Variants in SYNJ2 observed in about 807,000 individuals in gnomAD.
The protein encoded by SYNJ2 is polyphosphatidylinositol phosphatase SYNJ2.
In SYNJ2, 116 loss-of-function variants were observed where a neutral mutation model predicts 141.3. The ratio of observed to expected loss-of-function variants is 0.82; its 90% confidence interval spans 0.71 to 0.96. SYNJ2 has a LOEUF of 0.96. SYNJ2 is among the 40% of genes least tolerant of loss of function. The probability of loss-of-function intolerance (pLI) is 0.00; values close to 1 mark genes in which losing one functional copy is unlikely to be tolerated. For synonymous variants in SYNJ2, 745 were observed against 777.7 expected (o/e 0.96, Z 0.70); for missense variants, 1,873 against 1,934.8 (o/e 0.97, Z 0.60).
intron 1 of SYNJ2, among the ~76,000 whole-genome samples, chr6:158,016,174 C>T (rs774194530): frequency 9.2e-5 from 14 of 152,276 alleles, no homozygotes; most frequent in Non-Finnish European, 1.2e-4. Flanking sequence ...AGTGCAGTGG[C>T]GTAATTTCGG....
intron 2 of SYNJ2, among the ~76,000 whole-genome samples, chr6:158,026,323 C>A (rs9456986): frequency 1.3e-5 from 2 of 152,194 alleles, no homozygotes; most frequent in African/African-American, 4.8e-5. Context: ...ATTTGGATCC[C>A]AGCTCCCCGC....
chr6:157,993,007 G>A (rs1291085586), intron 1 of SYNJ2, among the ~76,000 whole-genome samples: 1 of 151,958 alleles, frequency 6.6e-6, no homozygotes, highest in Admixed American at 6.6e-5. Flanking sequence ...TTAGTTTTTT[G>A]AGGAACCTCC....
chr6:158,017,387 C>T (rs1186395871), intron 2 of SYNJ2, 97 bp downstream of exon 2: 20 of 1,282,738 alleles, frequency 1.6e-5, no homozygotes, highest in East Asian at 2.7e-5. Flanking sequence ...TCTGTTTGAC[C>T]GCTCTTCTCT....
chr6:158,078,439 A>G (rs1470592302), intron 18 of SYNJ2, 158 bp downstream of exon 18: 2 of 544,612 alleles, frequency 3.7e-6, no homozygotes, highest in Non-Finnish European at 6.6e-6. Context: ...ATGATGGAAC[A>G]AATATCTGTG....
chr6:158,033,401 C>A, intron 3 of SYNJ2, 54 bp from the exon 4 acceptor site: 1 of 1,579,838 alleles, frequency 6.3e-7, no homozygotes. Flanking sequence ...GTCCAGGCAG[C>A]ATGTATTGGA....
At chr6:158,094,264 A>T (rs1026221282) in intron 26 of SYNJ2, among the ~76,000 whole-genome samples, 4 of 152,044 alleles carry the variant, frequency 2.6e-5, no homozygotes, top group Non-Finnish European at 5.9e-5. Flanking sequence ...ATGGGGTTAC[A>T]TCCCAATAAA....
At chr6:158,051,664 T>G (rs984105138) in intron 5 of SYNJ2, among the ~76,000 whole-genome samples, 51 of 151,764 alleles carry the variant, frequency 3.4e-4, no homozygotes, top group African/African-American at 1.2e-3. Context: ...AAAAAAAACC[T>G]GGCTGGGCAC....
Position 158,036,722 on chromosome 6 carries a change from C to T in SYNJ2, c.711+3042C>T, listed in dbSNP as rs112942611. Among the ~76,000 whole-genome samples, 469 of 152,324 alleles carry T rather than the reference C, an allele frequency of 3.1e-3. 2 individuals carry two copies. Among genetic ancestry groups the T allele is most frequent in the African/African-American group, 9.9e-3 (412 of 41,562 alleles). On this transcript the variant is annotated intron_variant, in intron 4 of 26. Coordinates refer to ENST00000355585, the MANE Select transcript of SYNJ2 (RefSeq NM_003898.4). ...CAAAATAACCTGTACAACAAACCCA[C>T]ATAACATGCGTTTACCTATGTAACA...
At chr6:157,992,484 C>T (rs926946351) in intron 1 of SYNJ2, among the ~76,000 whole-genome samples, 4 of 146,516 alleles carry the variant, frequency 2.7e-5, no homozygotes, top group Non-Finnish European at 6.0e-5. Flanking sequence ...GGTGCGATCT[C>T]GGCTCACTGC....
intron 5 of SYNJ2, among the ~76,000 whole-genome samples, chr6:158,054,098 C>T (rs1482066698): frequency 6.6e-6 from 1 of 151,736 alleles, no homozygotes; most frequent in African/African-American, 2.4e-5. Context: ...CCCATCCATT[C>T]ACCCATTCAT....
chr6:158,042,656 G>C (rs1780011883), intron 4 of SYNJ2, among the ~76,000 whole-genome samples: 2 of 152,248 alleles, frequency 1.3e-5, no homozygotes, highest in African/African-American at 4.8e-5. Flanking sequence ...GGGTGGGGAG[G>C]AGATAGATGT....
Position 158,071,157 on chromosome 6 carries a change from A to G in SYNJ2, c.1941-445A>G, listed in dbSNP as rs961817049. Among the ~76,000 whole-genome samples, 2 of 152,188 alleles carry G rather than the reference A, an allele frequency of 1.3e-5. No homozygotes were observed. The highest frequency in any genetic ancestry group is 2.9e-5 in the Non-Finnish European group (2 of 68,040). The stretch of plus-strand genomic sequence containing the variant: ...GAGATCACGCTGCTGCACTCCAGCC[A>G]GGGTGACAGAGCGAGACTCTGTCTC... On this transcript the variant is annotated intron_variant, in intron 14 of 26. Coordinates refer to ENST00000355585, the MANE Select transcript of SYNJ2 (RefSeq NM_003898.4). The surrounding 1 kb of genome is among the most constrained non-coding windows in gnomAD (Gnocchi z 4.3).
At position 158,081,520 on chromosome 6, in the gene SYNJ2, A is replaced by G; in HGVS notation, c.2865+10A>G. On this transcript the variant is annotated intron_variant, in intron 20 of 26. Coordinates refer to ENST00000355585, the MANE Select transcript of SYNJ2 (RefSeq NM_003898.4). ...CGTGGACGGTATGAAGGTACGCTGTACTTGGCCACACTGTGGAGTGGGGTC... is the reference window on the plus strand; with the variant it reads ...CGTGGACGGTATGAAGGTACGCTGTGCTTGGCCACACTGTGGAGTGGGGTC... 2 of 1,580,882 alleles carry G rather than the reference A, an allele frequency of 1.3e-6. No individual in the cohort carries two copies. The highest frequency in any genetic ancestry group is 1.7e-6 in the Non-Finnish European group (2 of 1,161,844).
At chr6:158,014,658 G>A (rs553605891) in intron 1 of SYNJ2, among the ~76,000 whole-genome samples, 45 of 152,354 alleles carry the variant, frequency 3.0e-4, no homozygotes, top group Admixed American at 1.6e-3. Context: ...GGTCTGTCCC[G>A]ACTCTCTGCC....
intron 5 of SYNJ2, among the ~76,000 whole-genome samples, chr6:158,044,265 T>G (rs1291672636): frequency 6.6e-6 from 1 of 152,212 alleles, no homozygotes; most frequent in Non-Finnish European, 1.5e-5. Flanking sequence ...AACGCTGGAC[T>G]CAGGGTCCCC....
chr6:158,078,164 C>G lies in SYNJ2; in HGVS notation c.2450C>G (p.Ala817Gly). The G allele has an allele frequency of 6.2e-7, 1 of 1,604,420 alleles. No individual in the cohort carries two copies. The highest frequency in any genetic ancestry group is 8.5e-7 in the Non-Finnish European group (1 of 1,171,586). The change falls in exon 18 of 27, where the codon GCT (alanine) becomes GGT (glycine). Residue 817 changes from alanine to glycine, a missense_variant and splice_region_variant. Coordinates refer to ENST00000355585, the MANE Select transcript of SYNJ2 (RefSeq NM_003898.4). The part of the protein sequence containing the change: ...WRKKHPFDKT[A>G]GELNLLDSDL... ...TCTCGAATGGAACCCCTGCGAGTAG[C>G]TGGAGAACTCAACCTTCTAGACAGT...
At chr6:158,003,917 T>G (rs1474176248) in intron 1 of SYNJ2, among the ~76,000 whole-genome samples, 1 of 152,224 alleles carries the variant, frequency 6.6e-6, no homozygotes, top group Non-Finnish European at 1.5e-5. Context: ...TCCACACCCT[T>G]GGACCACTGG....
intron 2 of SYNJ2, 102 bp downstream of exon 2, chr6:158,017,392 TTCTC>T (rs1778514866): frequency 1.7e-6 from 2 of 1,210,302 alleles, no homozygotes. Context: ...TTGACCGCTC[TTCTC>T]TCTCTCTTCT....
chr6:158,098,093 T>C lies in SYNJ2; in HGVS notation c.*1729T>C, dbSNP rs529173705. 1.3e-5 allele frequency: 2 copies of C among 150,868 alleles called. No homozygotes were observed. Among genetic ancestry groups the C allele is most frequent in the African/African-American group, 4.9e-5 (2 of 40,940 alleles). The allele number at this position is 150,868 out of a possible 1,614,324, so 9.3% of individuals were successfully genotyped here. ...TGCACATCGCTATTAACAGCCAGAG[T>C]CATAAATGAAATGAAATTGAAGAAT... On this transcript the variant is annotated 3_prime_UTR_variant, in exon 27 of 27. Transcript: ENST00000355585.
Sources: allele counts gnomAD v4.1 joint callset (sites outside exome capture counted in the v4.1 genomes callset), GRCh38; gene constraint gnomAD v4.1.1; non-coding constraint Gnocchi (gnomAD v3.1); transcripts MANE v1.5; gene names NCBI Gene and HGNC (gene_info 2026-07-23, HGNC 2026-07-21).